Variants in ANK3 observed in about 807,000 individuals in gnomAD.
ANK3 encodes ankyrin 3.
A neutral mutation model predicts 370.9 loss-of-function variants in ANK3; 57 were observed. That is an observed-to-expected ratio of 0.15 (90% CI 0.12 to 0.19). The LOEUF (loss-of-function observed/expected upper bound fraction) is 0.19, where lower values mean the gene tolerates loss of function less well. Among genes scored for constraint, ANK3 ranks in the 10% least tolerant of loss-of-function variants. The probability of loss-of-function intolerance (pLI) is 1.00; values close to 1 mark genes in which losing one functional copy is unlikely to be tolerated. For missense variants in ANK3, 4,439 were observed against 5,302.1 expected (o/e 0.84, Z 5.06); for synonymous variants, 1,929 against 1,946.3 (o/e 0.99, Z 0.23).
Position 60,468,995 on chromosome 10 carries a change from G to GTATATATATATATATATA in ANK3, c.96+146190_96+146191insTATATATATATATATATA, listed in dbSNP as rs1464396090. On this transcript the variant is annotated intron_variant, in intron 2 of 43. Coordinates refer to the ANK3 transcript ENST00000373827. ...CCACTATATATATACCACTTTTAGT[G>GTATATATATATATATATA]TGTATATATATATATATATATATAC... 8.0e-3 allele frequency among the ~76,000 whole-genome samples: 276 copies of GTATATATATATATATATA among 34,526 alleles called. 84 individuals carry two copies. Among genetic ancestry groups the GTATATATATATATATATA allele is most frequent in the Non-Finnish European group, 0.012 (181 of 15,264 alleles). The allele number at this position is 34,526 out of a possible 152,430, so 22.7% of individuals were successfully genotyped here. A position where few individuals can be genotyped will look rare whatever the true frequency, so the allele number is the denominator to read the frequency against.
intron 2 of ANK3, among the ~76,000 whole-genome samples, chr10:60,559,226 C>T (rs980812463): frequency 6.6e-6 from 1 of 152,128 alleles, no homozygotes. Flanking sequence ...AAGCAGTGTA[C>T]ACTGTACCCA....
chr10:60,599,566 C>T (rs1033492026), intron 2 of ANK3, among the ~76,000 whole-genome samples: 7 of 152,026 alleles, frequency 4.6e-5, no homozygotes, highest in Admixed American at 2.6e-4. Context: ...CAGTTCTAAC[C>T]GCACAATATT....
intron 1 of ANK3, among the ~76,000 whole-genome samples, chr10:60,615,627 A>C (rs1321701798): frequency 1.3e-5 from 2 of 152,222 alleles, no homozygotes; most frequent in Non-Finnish European, 2.9e-5. Context: ...TGCTGGCATC[A>C]GAAAACATTT....
chr10:60,665,797 C>A (rs887439967), intron 1 of ANK3, among the ~76,000 whole-genome samples: 1 of 152,078 alleles, frequency 6.6e-6, no homozygotes, highest in Non-Finnish European at 1.5e-5. Flanking sequence ...GTACTTGAAT[C>A]AAATAATGTT....
At chr10:60,609,451 AG>A (rs2078173000) in intron 2 of ANK3, among the ~76,000 whole-genome samples, 1 of 152,156 alleles carries the variant, frequency 6.6e-6, no homozygotes. Context: ...TTAGAATCCC[AG>A]GGTGCGTTTA....
chr10:60,093,516 G>A (rs2089262358), intron 28 of ANK3, among the ~76,000 whole-genome samples: 1 of 152,158 alleles, frequency 6.6e-6, no homozygotes, highest in Non-Finnish European at 1.5e-5. Flanking sequence ...ATCTTTTGGG[G>A]AACTGGAAGT....
intron 23 of ANK3, among the ~76,000 whole-genome samples, chr10:60,153,066 A>G (rs905935250): frequency 6.6e-6 from 1 of 152,210 alleles, no homozygotes; most frequent in African/African-American, 2.4e-5. Context: ...GAAACAACCC[A>G]CATTCTCATC....
At chr10:60,622,000 G>A (rs1000632555) in intron 1 of ANK3, among the ~76,000 whole-genome samples, 6 of 152,104 alleles carry the variant, frequency 3.9e-5, no homozygotes, top group African/African-American at 9.7e-5. Flanking sequence ...TCTAGAACAC[G>A]CAAACCTGAA....
chr10:60,408,905 G>A (rs1387538308), intron 2 of ANK3, among the ~76,000 whole-genome samples: 1 of 152,142 alleles, frequency 6.6e-6, no homozygotes. Context: ...TCTGAGATCA[G>A]TTAATAACAC....
chr10:60,603,593 T>C (rs184977032), intron 2 of ANK3, among the ~76,000 whole-genome samples: 1 of 152,272 alleles, frequency 6.6e-6, no homozygotes, highest in African/African-American at 2.4e-5. Flanking sequence ...CTAAATGCTA[T>C]TTCTCAAGCA....
chr10:60,501,959 G>T (rs2075811706), intron 2 of ANK3, among the ~76,000 whole-genome samples: 1 of 152,086 alleles, frequency 6.6e-6, no homozygotes, highest in Non-Finnish European at 1.5e-5. Context: ...GCACTCTTTA[G>T]CCTGGGTGAC....
chr10:60,067,079 C>T (rs1272231575), intron 38 of ANK3, among the ~76,000 whole-genome samples: 1 of 152,108 alleles, frequency 6.6e-6, no homozygotes, highest in Non-Finnish European at 1.5e-5. Flanking sequence ...ACCACCACAC[C>T]TGGCTAATTT....
At chr10:60,357,328 T>C (rs1274465375) in intron 1 of ANK3, among the ~76,000 whole-genome samples, 1 of 152,216 alleles carries the variant, frequency 6.6e-6, no homozygotes, top group Admixed American at 6.5e-5. Context: ...TTCCCTTGTG[T>C]CTCTTGGCTC....
rs201296454 is a variant in ANK3 at position 60,345,197 on chromosome 10, GCATTAA to G, written c.114+44222_114+44227del. ...TTTATTACTGTAGAAACAAAAAACT[GCATTAA>G]CATTTTGAAAATAAGCAAATGGGGT... On this transcript the variant is annotated intron_variant, in intron 1 of 43. Transcript: ENST00000280772. 7.3e-3 allele frequency among the ~76,000 whole-genome samples: 1,116 copies of G among 152,240 alleles called. 10 individuals carry two copies. Among genetic ancestry groups the G allele is most frequent in the African/African-American group, 0.026 (1,072 of 41,552 alleles).
intron 5 of ANK3, among the ~76,000 whole-genome samples, chr10:60,266,113 C>T (rs2097873876): frequency 6.6e-6 from 1 of 152,096 alleles, no homozygotes; most frequent in Middle Eastern, 3.4e-3. Context: ...AAGGTTATTC[C>T]CTGAAGCCTT....
intron 27 of ANK3, among the ~76,000 whole-genome samples, chr10:60,106,990 A>G (rs1311762777): frequency 6.6e-6 from 1 of 152,166 alleles, no homozygotes; most frequent in East Asian, 1.9e-4. Context: ...GTTTAGGTAT[A>G]TGTGATAACA....
At chr10:60,245,150 C>T (rs2097534631) in intron 7 of ANK3, among the ~76,000 whole-genome samples, 1 of 151,658 alleles carries the variant, frequency 6.6e-6, no homozygotes, top group Admixed American at 6.6e-5. Flanking sequence ...GCCTGGGCGA[C>T]AGAGCGAGAC....
intron 9 of ANK3, among the ~76,000 whole-genome samples, chr10:60,209,021 A>G (rs2132444584): frequency 6.6e-6 from 1 of 152,282 alleles, no homozygotes; most frequent in Non-Finnish European, 1.5e-5. Context: ...AGAGAGAATA[A>G]ATAAATAGGG....
chr10:60,691,418 A>T (rs2079350890), intron 1 of ANK3, among the ~76,000 whole-genome samples: 1 of 152,234 alleles, frequency 6.6e-6, no homozygotes, highest in Non-Finnish European at 1.5e-5. Context: ...AATATCTCTG[A>T]AACTCATTCA....
Sources: gnomAD v4.1 joint callset for allele counts (sites outside exome capture counted in the v4.1 genomes callset) on GRCh38, gnomAD v4.1.1 for gene constraint, MANE v1.5 for transcripts, NCBI Gene and HGNC (gene_info 2026-07-23, HGNC 2026-07-21) for gene names.